GGACT: variants seen among roughly 807,000 people sequenced by gnomAD.
The protein encoded by GGACT is gamma-glutamylamine cyclotransferase.
For missense variants in GGACT, 241 were observed against 233.2 expected, an observed-to-expected ratio of 1.03 and a Z score of -0.22; for synonymous variants, 118 against 115.3, an observed-to-expected ratio of 1.02 and a Z score of -0.15.
intron 2 of GGACT, among the ~76,000 whole-genome samples, chr13:100,543,127 C>T (rs937982370): frequency 1.3e-5 from 2 of 149,480 alleles, no homozygotes; most frequent in Non-Finnish European, 3.0e-5. Flanking sequence ...CCAGGTGAAC[C>T]GAACAAGGAA....
At chr13:100,540,727 T>C (rs1349320317) in intron 2 of GGACT, among the ~76,000 whole-genome samples, 1 of 152,252 alleles carries the variant, frequency 6.6e-6, no homozygotes, top group Non-Finnish European at 1.5e-5. Flanking sequence ...TTGTCTCTCA[T>C]GTTCAGCCCA....
At chr13:100,581,705 G>A (rs188177786) in intron 2 of GGACT, among the ~76,000 whole-genome samples, 2 of 152,312 alleles carry the variant, frequency 1.3e-5, no homozygotes, top group Admixed American at 1.3e-4. Flanking sequence ...ATGAAGGGAG[G>A]GGGAAAGTGT....
intron 2 of GGACT, among the ~76,000 whole-genome samples, chr13:100,546,972 G>A (rs1041258504): frequency 6.6e-6 from 1 of 152,196 alleles, no homozygotes; most frequent in Non-Finnish European, 1.5e-5. Flanking sequence ...AATACTGCAG[G>A]AAGCCAAGGG....
intron 2 of GGACT, among the ~76,000 whole-genome samples, chr13:100,535,529 G>A (rs2088478911): frequency 6.6e-6 from 1 of 152,126 alleles, no homozygotes; most frequent in African/African-American, 2.4e-5. Flanking sequence ...ACCGCGGTGG[G>A]TACCAACACA....
At chr13:100,562,078 A>G (rs1054794690) in intron 2 of GGACT, among the ~76,000 whole-genome samples, 1 of 152,224 alleles carries the variant, frequency 6.6e-6, no homozygotes, top group Non-Finnish European at 1.5e-5. Context: ...ACTGGGGTTT[A>G]GGTGCCTCTA....
intron 2 of GGACT, among the ~76,000 whole-genome samples, chr13:100,563,283 T>G (rs1288689625): frequency 2.6e-5 from 4 of 151,864 alleles, no homozygotes; most frequent in Non-Finnish European, 5.9e-5. Flanking sequence ...AAAGCCACAG[T>G]GACAGGTAGG....
At chr13:100,548,144 T>G (rs2088625619) in intron 2 of GGACT, among the ~76,000 whole-genome samples, 1 of 152,264 alleles carries the variant, frequency 6.6e-6, no homozygotes, top group African/African-American at 2.4e-5. Flanking sequence ...AGGTCTGGAT[T>G]GTTTCAACTC....
intron 2 of GGACT, among the ~76,000 whole-genome samples, chr13:100,546,249 C>G (rs2088602425): frequency 6.6e-6 from 1 of 151,384 alleles, no homozygotes; most frequent in Admixed American, 6.6e-5. Flanking sequence ...ATAGTCCCAG[C>G]TACTCGGGAG....
intron 2 of GGACT, among the ~76,000 whole-genome samples, chr13:100,570,532 T>C (rs901802246): frequency 5.9e-5 from 9 of 152,128 alleles, no homozygotes; most frequent in Non-Finnish European, 1.0e-4. Flanking sequence ...CCACAACATG[T>C]GGGGATTATG....
rs556826549 is a variant in GGACT at position 100,561,041 on chromosome 13, T to A, written c.-11+22784A>T. The stretch of plus-strand genomic sequence containing the variant: ...CTCATCCACACAGCCCAGGAACACG[T>A]GCCTCTTCCCCCGGCTCCTGACTAC... On this transcript the variant is annotated intron_variant, in intron 2 of 2. Transcript: ENST00000683975. 1.8e-4 allele frequency among the ~76,000 whole-genome samples: 27 copies of A among 152,328 alleles called. 1 individual carries two copies. The highest frequency in any genetic ancestry group is 1.6e-3 in the Admixed American group (25 of 15,290).
At chr13:100,577,929 CCTAATT>C (rs1039039157) in intron 2 of GGACT, among the ~76,000 whole-genome samples, 5 of 152,008 alleles carry the variant, frequency 3.3e-5, no homozygotes, top group African/African-American at 1.2e-4. Flanking sequence ...CCAATTTGTA[CCTAATT>C]GTTATGAATA....
intron 2 of GGACT, among the ~76,000 whole-genome samples, chr13:100,544,641 A>G (rs2088588321): frequency 6.6e-6 from 1 of 152,238 alleles, no homozygotes; most frequent in South Asian, 2.1e-4. Flanking sequence ...TCAAACGGAC[A>G]CTTGGTCCCT....
Position 100,530,295 on chromosome 13 carries a change from C to CAG in GGACT, c.*1833_*1834dup, listed in dbSNP as rs1175187211. On this transcript the variant is annotated 3_prime_UTR_variant, in exon 3 of 3. Transcript: ENST00000683975. ...TACGTTTACGTCGTCATTTATTCCA[C>CAG]AGAGTCAAGACCAATATTCTGCCAA... 126 of 784,412 alleles carry CAG rather than the reference C, an allele frequency of 1.6e-4. No homozygotes were observed. Among genetic ancestry groups the CAG allele is most frequent in the Non-Finnish European group, 2.3e-4 (105 of 448,996 alleles). 48.6% of individuals were successfully genotyped at this position (784,412 alleles called of 1,614,324 possible).
chr13:100,532,345 T>A lies in GGACT; in HGVS notation c.247A>T (p.Ser83Cys), dbSNP rs1224603758. The A allele has an allele frequency of 1.9e-6, 3 of 1,550,576 alleles. No individual in the cohort carries two copies. Among genetic ancestry groups the A allele is most frequent in the Non-Finnish European group, 2.6e-6 (3 of 1,146,588 alleles). The change falls in exon 3 of 3, where the codon AGT (serine) becomes TGT (cysteine). Residue 83 changes from serine (S) to cysteine (C), a missense_variant. Ser to Cys is a moderately radical substitution (Grantham distance 112). Coordinates refer to ENST00000683975, the MANE Select transcript of GGACT (RefSeq NM_001195087.2). Reference sequence around the variant, plus strand: ...GTGCGCTGGTACAGGGCCGGGCAACTCTCGAAGTCATCCAGAAAGCGCAGC... The same window carrying A: ...GTGCGCTGGTACAGGGCCGGGCAACACTCGAAGTCATCCAGAAAGCGCAGC... ...RMLRFLDDFESCPALYQRTVL... is the reference protein window; with the variant it reads ...RMLRFLDDFECCPALYQRTVL...
intron 2 of GGACT, among the ~76,000 whole-genome samples, chr13:100,547,864 G>C (rs2088622569): frequency 6.6e-6 from 1 of 152,250 alleles, no homozygotes; most frequent in African/African-American, 2.4e-5. Flanking sequence ...ATGCACACCA[G>C]CTGTTGACTA....
intron 2 of GGACT, among the ~76,000 whole-genome samples, chr13:100,550,987 A>C (rs1202190381): frequency 6.6e-6 from 1 of 152,168 alleles, no homozygotes; most frequent in Non-Finnish European, 1.5e-5. Flanking sequence ...CTACTTTCTT[A>C]ATTAAAAAAC....
chr13:100,557,751 A>G (rs1261109203), intron 2 of GGACT, among the ~76,000 whole-genome samples: 1 of 152,206 alleles, frequency 6.6e-6, no homozygotes, highest in Non-Finnish European at 1.5e-5. Flanking sequence ...TACTCTCAAA[A>G]GACTCGGGTG....
At chr13:100,559,162 C>A (rs768338018) in intron 2 of GGACT, among the ~76,000 whole-genome samples, 85 of 152,220 alleles carry the variant, frequency 5.6e-4, no homozygotes, top group Non-Finnish European at 9.6e-4. Flanking sequence ...CTGGACTATA[C>A]ATTTTATTTT....
At chr13:100,558,182 CAAA>C (rs35098533) in intron 2 of GGACT, among the ~76,000 whole-genome samples, 11 of 113,604 alleles carry the variant, frequency 9.7e-5, no homozygotes, top group East Asian at 2.5e-4. Flanking sequence ...AACTCCATCT[CAAA>C]AAAAAAAAAA....
Sources: allele counts gnomAD v4.1 joint callset (sites outside exome capture counted in the v4.1 genomes callset), GRCh38; gene constraint gnomAD v4.1.1; transcripts MANE v1.5; gene names NCBI Gene and HGNC (gene_info 2026-07-23, HGNC 2026-07-21).